The following DLG2 variants were observed in gnomAD, a reference collection of about 807,000 sequenced individuals.
DLG2 encodes the protein discs large MAGUK scaffold protein 2.
A neutral mutation model predicts 132.5 loss-of-function variants in DLG2; 45 were observed. The observed-to-expected ratio is 0.34, with a 90% CI of 0.27 to 0.44. DLG2 has a LOEUF of 0.44. DLG2 is among the 20% of genes least tolerant of loss of function. The probability of loss-of-function intolerance (pLI) is 1.00; values close to 1 mark genes in which losing one functional copy is unlikely to be tolerated. For synonymous variants in DLG2, 424 were observed against 419.6 expected (o/e 1.01, Z -0.13); for missense variants, 1,045 against 1,196.9 (o/e 0.87, Z 1.87).
At chr11:83,853,065 T>C (rs1193929474) in intron 16 of DLG2, among the ~76,000 whole-genome samples, 3 of 152,186 alleles carry the variant, frequency 2.0e-5, no homozygotes, top group Non-Finnish European at 1.5e-5. Flanking sequence ...ATCATCAAAA[T>C]TTTTCCTCTA....
At chr11:85,583,128 G>GTATATATATATA (rs1288807092) in intron 3 of DLG2, among the ~76,000 whole-genome samples, 12 of 27,424 alleles carry the variant, frequency 4.4e-4, no homozygotes, top group Non-Finnish European at 7.5e-4. Flanking sequence ...GTGTGTGTGT[G>GTATATATATATA]TGTATATATA....
chr11:85,375,827 A>G (rs758915778), intron 3 of DLG2, among the ~76,000 whole-genome samples: 3 of 152,216 alleles, frequency 2.0e-5, no homozygotes, highest in Non-Finnish European at 4.4e-5. Context: ...CAGTTATGAC[A>G]ATACAATTTG....
chr11:83,833,138 T>C (rs2055045916), intron 17 of DLG2, among the ~76,000 whole-genome samples: 2 of 152,156 alleles, frequency 1.3e-5, no homozygotes, highest in African/African-American at 4.8e-5. Flanking sequence ...CTGAACACCA[T>C]TTAAACTGTG....
At chr11:84,178,078 C>T (rs2096018120) in intron 8 of DLG2, among the ~76,000 whole-genome samples, 1 of 152,052 alleles carries the variant, frequency 6.6e-6, no homozygotes, top group Admixed American at 6.6e-5. Flanking sequence ...CTGCACATTG[C>T]CCCATCTCTT....
rs565229095 is a variant in DLG2, at chr11:85,500,625, A to G, written c.40+98032T>C. 3.3e-5 allele frequency among the ~76,000 whole-genome samples: 5 copies of G among 152,282 alleles called. No individual in the cohort carries two copies. The East Asian group carries it at 7.7e-4, about 24-fold the overall frequency. Reference sequence around the variant, plus strand: ...AAATCACAAGCATTCCTCTACACCAATAACAGACAAACAGCCAAATCATGA... The same window carrying G: ...AAATCACAAGCATTCCTCTACACCAGTAACAGACAAACAGCCAAATCATGA... On this transcript the variant is annotated intron_variant, in intron 3 of 27. Transcript: ENST00000376104.
intron 15 of DLG2, among the ~76,000 whole-genome samples, chr11:83,910,123 G>A (rs1024407611): frequency 2.6e-5 from 4 of 152,144 alleles, no homozygotes; most frequent in African/African-American, 9.6e-5. Context: ...GTGAAGTGGA[G>A]TGTAGACTAC....
chr11:84,404,675 G>GT (rs1472291548), intron 7 of DLG2, among the ~76,000 whole-genome samples: 1 of 151,994 alleles, frequency 6.6e-6, no homozygotes, highest in Non-Finnish European at 1.5e-5. Context: ...TCACCATGCT[G>GT]TAAACTCCCT....
At chr11:84,105,467 G>A (rs187410291) in intron 9 of DLG2, among the ~76,000 whole-genome samples, 100 of 152,262 alleles carry the variant, frequency 6.6e-4, no homozygotes, top group African/African-American at 2.3e-3. Context: ...TTGATGCATA[G>A]CACTGTTTAA....
At chr11:83,558,503 G>C (rs2096557241) in intron 19 of DLG2, among the ~76,000 whole-genome samples, 2 of 152,032 alleles carry the variant, frequency 1.3e-5, no homozygotes, top group South Asian at 4.1e-4. Context: ...GCCTGCTATT[G>C]GTTAACCGCT....
At chr11:84,323,198 C>A (rs1029047804) in intron 7 of DLG2, among the ~76,000 whole-genome samples, 1 of 152,066 alleles carries the variant, frequency 6.6e-6, no homozygotes, top group African/African-American at 2.4e-5. Flanking sequence ...AACAAAACCC[C>A]ATTTCCTCCT....
intron 15 of DLG2, among the ~76,000 whole-genome samples, chr11:83,926,710 G>A (rs2079041402): frequency 1.3e-5 from 2 of 152,074 alleles, no homozygotes; most frequent in South Asian, 2.1e-4. Flanking sequence ...CATTACTAGA[G>A]TTGGATAAGG....
At chr11:84,139,227 C>T (rs1252949138) in intron 9 of DLG2, among the ~76,000 whole-genome samples, 2 of 152,084 alleles carry the variant, frequency 1.3e-5, no homozygotes, top group African/African-American at 4.8e-5. Flanking sequence ...GCATCTTACA[C>T]ACCCGCCACA....
intron 19 of DLG2, among the ~76,000 whole-genome samples, chr11:83,546,684 T>A (rs953789812): frequency 6.6e-6 from 1 of 152,136 alleles, no homozygotes. Flanking sequence ...CAAAAGCTCA[T>A]GTTCCTAATC....
At chr11:83,956,477 T>C (rs2086869998) in intron 14 of DLG2, among the ~76,000 whole-genome samples, 2 of 152,214 alleles carry the variant, frequency 1.3e-5, no homozygotes, top group South Asian at 4.1e-4. Context: ...ATGCCTTGTC[T>C]GGCCATGGGC....
chr11:83,579,646 A>G (rs1277883755), intron 19 of DLG2, among the ~76,000 whole-genome samples: 1 of 152,158 alleles, frequency 6.6e-6, no homozygotes, highest in Non-Finnish European at 1.5e-5. Context: ...TGCTTAAAAA[A>G]ATGAATTTGA....
chr11:84,087,270 C>A (rs2097001712), intron 10 of DLG2, among the ~76,000 whole-genome samples: 1 of 152,134 alleles, frequency 6.6e-6, no homozygotes, highest in African/African-American at 2.4e-5. Context: ...ACAATCCCAC[C>A]AGGCATGCTG....
intron 7 of DLG2, among the ~76,000 whole-genome samples, chr11:84,415,913 C>T (rs186429941): frequency 1.3e-4 from 20 of 152,202 alleles, no homozygotes; most frequent in Admixed American, 5.9e-4. Context: ...TAGGGTGCCA[C>T]GTATCATAAG....
At chr11:85,487,906 C>T (rs1299202540) in intron 3 of DLG2, among the ~76,000 whole-genome samples, 1 of 152,206 alleles carries the variant, frequency 6.6e-6, no homozygotes. Context: ...CCACCCAAAT[C>T]TCATCTTGGA....
At chr11:84,212,983 T>A (rs75012725) in intron 8 of DLG2, among the ~76,000 whole-genome samples, 1,612 of 152,168 alleles carry the variant, frequency 0.011, 42 homozygotes, top group African/African-American at 0.037. Context: ...TGAGACGGGG[T>A]AGGTAGATAG....
Sources: gnomAD v4.1 joint callset for allele counts (sites outside exome capture counted in the v4.1 genomes callset) on GRCh38, gnomAD v4.1.1 for gene constraint, MANE v1.5 for transcripts, NCBI Gene and HGNC (gene_info 2026-07-23, HGNC 2026-07-21) for gene names.